The following NPAS3 variants were observed in gnomAD, a reference collection of about 807,000 sequenced individuals.
NPAS3 encodes the protein neuronal PAS domain-containing protein 3.
Under a neutral mutation model 73.1 loss-of-function variants are expected in NPAS3, and 14 were observed. That is an observed-to-expected ratio of 0.19 (90% confidence interval 0.13 to 0.30). NPAS3 has a LOEUF of 0.30. Ranked by LOEUF, NPAS3 falls within the 10% of genes least tolerant of loss-of-function variation. The probability of loss-of-function intolerance (pLI) is 1.00; values close to 1 mark genes in which losing one functional copy is unlikely to be tolerated. For missense variants in NPAS3, 1,096 were observed against 1,250.0 expected, an observed-to-expected ratio of 0.88 and a Z score of 1.86; for synonymous variants, 620 against 541.5, an observed-to-expected ratio of 1.14 and a Z score of -2.01.
chr14:33,447,565 A>G (rs978372193), intron 4 of NPAS3, among the ~76,000 whole-genome samples: 1 of 152,210 alleles, frequency 6.6e-6, no homozygotes, highest in Admixed American at 6.5e-5. Context: ...TAGTGTGACC[A>G]CTATGGAAAG....
chr14:33,015,779 C>G (rs1003424608), intron 1 of NPAS3, among the ~76,000 whole-genome samples: 1 of 152,090 alleles, frequency 6.6e-6, no homozygotes, highest in African/African-American at 2.4e-5. Context: ...AAATTACCTA[C>G]GGGCAGTAAA....
intron 2 of NPAS3, among the ~76,000 whole-genome samples, chr14:33,116,596 A>G (rs987232301): frequency 1.3e-5 from 2 of 152,124 alleles, no homozygotes; most frequent in African/African-American, 4.8e-5. Context: ...GCTTAACACA[A>G]GAGTTTTTTA....
chr14:33,321,285 AGTACAG>A (rs1277150322), intron 3 of NPAS3, among the ~76,000 whole-genome samples: 1 of 152,190 alleles, frequency 6.6e-6, no homozygotes, highest in East Asian at 1.9e-4. Flanking sequence ...AGAGTTGACC[AGTACAG>A]AATAGGATTC....
chr14:33,384,863 G>T (rs2046709580), intron 4 of NPAS3, among the ~76,000 whole-genome samples: 2 of 152,176 alleles, frequency 1.3e-5, no homozygotes, highest in South Asian at 4.1e-4. Flanking sequence ...GATGAAGTTT[G>T]TATCAGTCAA....
At chr14:33,774,391 A>C in exon 8 of NPAS3, 3 of 1,614,020 alleles carry the variant, frequency 1.9e-6, no homozygotes, top group Non-Finnish European at 2.5e-6. Flanking sequence ...CCACGGGAGG[A>C]CCGTCCCCAG....
intron 3 of NPAS3, among the ~76,000 whole-genome samples, chr14:33,264,493 A>C (rs1397442177): frequency 1.3e-5 from 2 of 152,106 alleles, no homozygotes; most frequent in African/African-American, 4.8e-5. Context: ...AATAAACCCA[A>C]ATGCTTCCAT....
intron 4 of NPAS3, among the ~76,000 whole-genome samples, chr14:33,396,845 G>A: frequency 6.6e-6 from 1 of 152,084 alleles, no homozygotes; most frequent in Non-Finnish European, 1.5e-5. Flanking sequence ...ATCTGTCCAT[G>A]AAAACTAGCT....
intron 4 of NPAS3, among the ~76,000 whole-genome samples, chr14:33,388,308 A>AAG (rs149968516): frequency 0.042 from 6,364 of 152,182 alleles, 458 homozygotes; most frequent in African/African-American, 0.14. Context: ...AAACACAAAG[A>AAG]AGTAGAGGGG....
chr14:33,475,352 A>G (rs935510111), intron 4 of NPAS3, among the ~76,000 whole-genome samples: 1 of 152,162 alleles, frequency 6.6e-6, no homozygotes, highest in African/African-American at 2.4e-5. Flanking sequence ...AATAATGCAC[A>G]TTAAAAAAGA....
chr14:32,935,319 C>T (rs978255688), upstream of NPAS3, among the ~76,000 whole-genome samples: 1 of 152,186 alleles, frequency 6.6e-6, no homozygotes, highest in Non-Finnish European at 1.5e-5. Flanking sequence ...AGTTTAGGAT[C>T]CTCATCCCTT....
At chr14:33,332,738 A>C (rs1191936321) in intron 3 of NPAS3, among the ~76,000 whole-genome samples, 3 of 152,188 alleles carry the variant, frequency 2.0e-5, no homozygotes, top group Non-Finnish European at 4.4e-5. Context: ...GGATGGCATC[A>C]TGCCTGTTTA....
chr14:33,089,716 A>G (rs2042158821), intron 2 of NPAS3, among the ~76,000 whole-genome samples: 1 of 152,178 alleles, frequency 6.6e-6, no homozygotes, highest in Admixed American at 6.5e-5. Context: ...CAAAGTTGAA[A>G]TGAGGGAAAA....
chr14:33,510,806 A>C (rs1184833878), intron 4 of NPAS3, among the ~76,000 whole-genome samples: 1 of 152,072 alleles, frequency 6.6e-6, no homozygotes, highest in African/African-American at 2.4e-5. Context: ...TGTTATTAAG[A>C]TATTTAGAAA....
intron 4 of NPAS3, among the ~76,000 whole-genome samples, chr14:33,559,473 A>C (rs1030819330): frequency 2.6e-5 from 4 of 152,124 alleles, no homozygotes; most frequent in Non-Finnish European, 4.4e-5. Flanking sequence ...CTGTTCAACT[A>C]TTTAATGGAG....
chr14:32,946,710 T>A (rs1261829315), intron 1 of NPAS3, among the ~76,000 whole-genome samples: 1 of 152,220 alleles, frequency 6.6e-6, no homozygotes, highest in African/African-American at 2.4e-5. Context: ...ATAATTCGCT[T>A]GTGTATTGGA....
At chr14:33,173,162 A>G (rs2045460378) in intron 2 of NPAS3, among the ~76,000 whole-genome samples, 1 of 152,184 alleles carries the variant, frequency 6.6e-6, no homozygotes. Flanking sequence ...GGACTTGGAA[A>G]TCATTAGGTT....
chr14:33,094,385 C>T (rs1012001), intron 2 of NPAS3, among the ~76,000 whole-genome samples: 51,461 of 151,572 alleles, frequency 0.34, 9,007 homozygotes, highest in African/African-American at 0.45. Flanking sequence ...ATTTTAATAT[C>T]GAATAATTTT....
intron 3 of NPAS3, among the ~76,000 whole-genome samples, chr14:33,239,608 C>T (rs113293041): frequency 2.3e-3 from 350 of 151,926 alleles, no homozygotes; most frequent in African/African-American, 8.2e-3. Context: ...TAATCTCCAT[C>T]TCTTGTGTGC....
intron 2 of NPAS3, among the ~76,000 whole-genome samples, chr14:33,203,294 A>G (rs8003891): frequency 0.098 from 14,934 of 152,306 alleles, 861 homozygotes; most frequent in Non-Finnish European, 0.13. Flanking sequence ...TTCTGAGGCT[A>G]GTAGGACCAT....
Sources: allele counts gnomAD v4.1 joint callset (sites outside exome capture counted in the v4.1 genomes callset), GRCh38; gene constraint gnomAD v4.1.1; transcripts MANE v1.5; gene names NCBI Gene and HGNC (gene_info 2026-07-23, HGNC 2026-07-21).